BARD1: variants seen among roughly 807,000 people sequenced by gnomAD.
The protein encoded by BARD1 is BRCA1 associated RING domain 1.
Under a neutral mutation model 77.0 loss-of-function variants are expected in BARD1, and 73 were observed. The observed-to-expected ratio is 0.95, with a 90% confidence interval of 0.79 to 1.15. The LOEUF (loss-of-function observed/expected upper bound fraction) is 1.15, where lower values mean the gene tolerates loss of function less well. BARD1 is among the 50% of genes most tolerant of loss of function. The probability of loss-of-function intolerance (pLI) is 0.00; values close to 1 mark genes in which losing one functional copy is unlikely to be tolerated. For missense variants in BARD1, 993 were observed against 938.8 expected (o/e 1.06, Z -0.75); for synonymous variants, 384 against 338.0 (o/e 1.14, Z -1.49).
At chr2:214,803,625 T>A (rs1054064766) in intron 1 of BARD1, among the ~76,000 whole-genome samples, 1 of 152,228 alleles carries the variant, frequency 6.6e-6, no homozygotes, top group Non-Finnish European at 1.5e-5. Context: ...TCCCCACTAT[T>A]GTCTTGTGAC....
intron 2 of BARD1, among the ~76,000 whole-genome samples, 190 bp from the exon 3 acceptor site, chr2:214,792,635 A>T (rs2106136463): frequency 6.6e-6 from 1 of 152,206 alleles, no homozygotes; most frequent in African/African-American, 2.4e-5. Context: ...TGCTCATGTA[A>T]TTTGCTATGA....
intron 9 of BARD1, among the ~76,000 whole-genome samples, chr2:214,734,641 A>C (rs1344018303): frequency 6.6e-6 from 1 of 152,200 alleles, no homozygotes; most frequent in Non-Finnish European, 1.5e-5. Context: ...TCTAGAATAA[A>C]ATACTCATAA....
At chr2:214,749,012 A>G (rs1490316769) in intron 7 of BARD1, among the ~76,000 whole-genome samples, 1 of 152,102 alleles carries the variant, frequency 6.6e-6, no homozygotes, top group East Asian at 1.9e-4. Context: ...ATAAAAATAC[A>G]TTACATCAAA....
At chr2:214,741,377 A>C (rs1692819618) in intron 9 of BARD1, among the ~76,000 whole-genome samples, 1 of 152,214 alleles carries the variant, frequency 6.6e-6, no homozygotes, top group Admixed American at 6.5e-5. Context: ...AGGCTAAGAT[A>C]CAAAAAAATT....
At position 214,781,152 on chromosome 2, in the gene BARD1, G is replaced by C. The variant is rs3738885; in HGVS notation, c.722C>G (p.Ser241Cys). ...SKEESKQKLV[S>C]FCSQPSVISS... The stretch of plus-strand genomic sequence containing the variant: ...GATAACAGATGGTTGGCTACAGAAG[G>C]ATACCAGCTTTTGCTTAGATTCCTC... The change falls in exon 4 of 11, where the codon TCC becomes TGC. Residue 241 changes from serine to cysteine, a missense_variant. Physicochemically the swap from Ser to Cys is moderately radical, Grantham distance 112. Coordinates refer to ENST00000260947, the MANE Select transcript of BARD1 (RefSeq NM_000465.4). The C allele has an allele frequency of 6.0e-4, 951 of 1,576,586 alleles. 19 individuals carry two copies. The East Asian group carries it at 0.021, about 35-fold the overall frequency.
chr2:214,751,104 TGTGTGTGTGTGTG>T (rs1693393656), intron 7 of BARD1, among the ~76,000 whole-genome samples: 1 of 10,400 alleles, frequency 9.6e-5, no homozygotes, highest in African/African-American at 2.2e-4. Flanking sequence ...TGTGTGTGTG[TGTGTGTGTGTGTG>T]TATATATATA....
At chr2:214,759,897 G>A (rs1403912111) in intron 6 of BARD1, among the ~76,000 whole-genome samples, 1 of 152,134 alleles carries the variant, frequency 6.6e-6, no homozygotes, top group African/African-American at 2.4e-5. Context: ...TTAATTCTTA[G>A]CTATTTTGCC....
intron 7 of BARD1, among the ~76,000 whole-genome samples, chr2:214,747,843 A>G (rs542030115): frequency 1.7e-4 from 26 of 151,846 alleles, no homozygotes; most frequent in African/African-American, 6.0e-4. Context: ...GTACCCTAAA[A>G]CTTAAAGTAT....
rs527792699 is a variant in BARD1 at position 214,761,832 on chromosome 2, A to G, written c.1568+5650T>C. Among the ~76,000 whole-genome samples, 3 of 152,002 alleles carry G rather than the reference A, an allele frequency of 2.0e-5. No homozygotes were observed. The South Asian group carries it at 6.2e-4, about 32-fold the overall frequency. On this transcript the variant is annotated intron_variant, in intron 6 of 10. Coordinates refer to ENST00000260947, the MANE Select transcript of BARD1 (RefSeq NM_000465.4). ...GGGTCAGTACTTTTTTAAAAAAGGA[A>G]GAACAAAACAAGCAAGCCAACTATC...
intron 7 of BARD1, among the ~76,000 whole-genome samples, chr2:214,748,763 T>C (rs558517415): frequency 6.6e-6 from 1 of 151,962 alleles, no homozygotes; most frequent in Non-Finnish European, 1.5e-5. Flanking sequence ...AGCAGCTCAC[T>C]GGAGATCACT....
intron 7 of BARD1, among the ~76,000 whole-genome samples, chr2:214,750,029 T>A (rs1278063871): frequency 1.3e-5 from 2 of 152,154 alleles, no homozygotes; most frequent in South Asian, 4.1e-4. Flanking sequence ...TGTAGCTACC[T>A]TAGGCTACCT....
intron 6 of BARD1, among the ~76,000 whole-genome samples, chr2:214,761,873 T>C (rs758469621): frequency 1.3e-5 from 2 of 152,180 alleles, no homozygotes; most frequent in Non-Finnish European, 2.9e-5. Flanking sequence ...TATTGCATCA[T>C]TCTGGAAGCA....
intron 2 of BARD1, among the ~76,000 whole-genome samples, chr2:214,792,889 G>A (rs901704638): frequency 1.9e-4 from 29 of 152,092 alleles, no homozygotes; most frequent in Non-Finnish European, 3.4e-4. Context: ...TTTGGGAAAA[G>A]ATCTTTGACT....
In BARD1 at chr2:214,726,363, C is replaced by A. The variant is rs1164516561; in HGVS notation, c.*2313G>T. 1 of 205,296 alleles carries A rather than the reference C, an allele frequency of 4.9e-6. No individual in the cohort carries two copies. Among genetic ancestry groups the A allele is most frequent in the East Asian group, 7.6e-5 (1 of 13,236 alleles). 12.7% of individuals were successfully genotyped at this position (205,296 alleles called of 1,614,324 possible). On this transcript the variant is annotated 3_prime_UTR_variant, in exon 11 of 11. Coordinates refer to ENST00000260947, the MANE Select transcript of BARD1 (RefSeq NM_000465.4). ...TAGCCATGAGAATGTGGAAAAGCTA[C>A]CAGCCTCTCACTTTTAGAGACACAA...
chr2:214,809,582 G>C lies in BARD1; in HGVS notation c.-13C>G. ...GATTATCCGGCATCGTCCCGCCTTC[G>C]GATGAAAGGCTCCTCGCAGAGCGGG... On this transcript the variant is annotated 5_prime_UTR_variant, in exon 1 of 11. Coordinates refer to ENST00000260947, the MANE Select transcript of BARD1 (RefSeq NM_000465.4). The C allele has an allele frequency of 6.5e-7, 1 of 1,539,432 alleles. No homozygotes were observed. Among genetic ancestry groups the C allele is most frequent in the Non-Finnish European group, 8.7e-7 (1 of 1,145,952 alleles).
chr2:214,739,470 T>C (rs1692714310), intron 9 of BARD1, among the ~76,000 whole-genome samples: 1 of 152,162 alleles, frequency 6.6e-6, no homozygotes, highest in Non-Finnish European at 1.5e-5. Context: ...CAAATGATTA[T>C]ATTTTAGACT....
intron 6 of BARD1, among the ~76,000 whole-genome samples, chr2:214,758,888 T>C (rs1036237423): frequency 3.9e-5 from 6 of 152,208 alleles, no homozygotes; most frequent in African/African-American, 9.6e-5. Flanking sequence ...AAATTTAAAC[T>C]TGTACTTGCA....
chr2:214,792,493 T>A (rs767868213), intron 2 of BARD1, 48 bp from the exon 3 acceptor site: 1 of 1,497,146 alleles, frequency 6.7e-7, no homozygotes, highest in Non-Finnish European at 8.9e-7. Flanking sequence ...TTCAGCAGAA[T>A]TTAATTCCAA....
Position 214,797,063 on chromosome 2 carries a change from A to G in BARD1, c.213T>C (p.Cys71=). Residue 71 remains cysteine (C), a splice_region_variant and synonymous_variant, in exon 2 of 11, where the codon TGT becomes TGC. Coordinates refer to ENST00000260947, the MANE Select transcript of BARD1 (RefSeq NM_000465.4). ...TACATCAAACCGTAATTACTTACCT[A>G]CAGAAGATGTGCTCACATCCTCCTA... ...VCLGGCEHIF[C]SNCVSDCIGT... 6.2e-7 allele frequency: 1 copy of G among 1,610,488 alleles called. No individual in the cohort carries two copies. Among genetic ancestry groups the G allele is most frequent in the East Asian group, 2.2e-5 (1 of 44,780 alleles).
Sources: allele counts gnomAD v4.1 joint callset (sites outside exome capture counted in the v4.1 genomes callset), GRCh38; gene constraint gnomAD v4.1.1; transcripts MANE v1.5; gene names NCBI Gene and HGNC (gene_info 2026-07-23, HGNC 2026-07-21).